IQSEC3: variants seen among roughly 807,000 people sequenced by gnomAD.
IQSEC3 encodes the protein IQ motif and Sec7 domain ArfGEF 3.
A neutral mutation model predicts 105.4 loss-of-function variants in IQSEC3; 50 were observed. The ratio of observed to expected loss-of-function variants is 0.47; its 90% CI spans 0.38 to 0.60. The LOEUF (loss-of-function observed/expected upper bound fraction) is 0.60. Ranked by LOEUF, IQSEC3 falls within the 20% of genes least tolerant of loss-of-function variation. IQSEC3 has a pLI of 0.00. For missense variants in IQSEC3, 1,415 were observed against 1,630.0 expected (o/e 0.87, Z 2.27); for synonymous variants, 708 against 746.0 (o/e 0.95, Z 0.83).
intron 2 of IQSEC3, among the ~76,000 whole-genome samples, chr12:117,372 T>G (rs1555080871): frequency 6.6e-6 from 1 of 152,212 alleles, no homozygotes; most frequent in Non-Finnish European, 1.5e-5. Context: ...TATGACAATG[T>G]AAAATGCTCA....
chr12:125,155 T>TAA (rs1201784307), intron 2 of IQSEC3, among the ~76,000 whole-genome samples: 2 of 152,164 alleles, frequency 1.3e-5, no homozygotes, highest in Non-Finnish European at 2.9e-5. Context: ...CACCGATACT[T>TAA]ACAATAGGTA....
chr12:131,558 T>C (rs1865601633), intron 3 of IQSEC3, among the ~76,000 whole-genome samples: 1 of 152,172 alleles, frequency 6.6e-6, no homozygotes, highest in Non-Finnish European at 1.5e-5. Context: ...GAGTCTGGAA[T>C]TTGATTTCCC....
intron 2 of IQSEC3, among the ~76,000 whole-genome samples, chr12:101,587 C>A (rs1555076207): frequency 6.6e-6 from 1 of 152,126 alleles, no homozygotes; most frequent in African/African-American, 2.4e-5. Flanking sequence ...TGGCTGGGGA[C>A]AGGGAGGACT....
intron 2 of IQSEC3, among the ~76,000 whole-genome samples, chr12:108,589 T>C (rs1362293909): frequency 2.0e-5 from 3 of 152,260 alleles, no homozygotes; most frequent in African/African-American, 7.2e-5. Context: ...TAAACAGTTA[T>C]GGTCTGATAC....
intron 1 of IQSEC3, among the ~76,000 whole-genome samples, chr12:87,358 G>A (rs2136896651): frequency 6.6e-6 from 1 of 152,278 alleles, no homozygotes; most frequent in Admixed American, 6.5e-5. Flanking sequence ...AACCAGGGCA[G>A]AACACTTCTC....
chr12:154,852 T>C (rs1866632813), intron 5 of IQSEC3, among the ~76,000 whole-genome samples: 2 of 152,054 alleles, frequency 1.3e-5, no homozygotes, highest in Admixed American at 6.5e-5. Context: ...TGCCTTTTCC[T>C]CCTTGCCTGT....
At position 172,403 on chromosome 12, in the gene IQSEC3, C is replaced by G. The variant is rs184110056; in HGVS notation, c.3114+1242C>G. 4.7e-4 allele frequency among the ~76,000 whole-genome samples: 72 copies of G among 152,304 alleles called. No homozygotes were observed. In the East Asian group the frequency reaches 9.5e-3, roughly 20 times the overall value. On this transcript the variant is annotated intron_variant, in intron 13 of 13. Transcript: ENST00000538872. ...GATAAGCACACCCGTGCCCAGCCCT[C>G]TGTTCTGTTCTGCCAGCCCTGCCCT...
At chr12:67,881 G>C (rs1302869949) in intron 1 of IQSEC3, among the ~76,000 whole-genome samples, 7 of 152,226 alleles carry the variant, frequency 4.6e-5, no homozygotes, top group African/African-American at 1.4e-4. Flanking sequence ...AAAGCTGAAG[G>C]CTTGGAAAGA....
rs115780744 is a variant in IQSEC3 at position 157,211 on chromosome 12, A to C, written c.2276+64A>C. On this transcript the variant is annotated intron_variant, in intron 6 of 13. Transcript: ENST00000538872. ...AGCGTGGGGAAGCCGGGCCGCTGTGAGCCTGGGAGACAGGAGATGCTATCA... is the reference window on the plus strand; with the variant it reads ...AGCGTGGGGAAGCCGGGCCGCTGTGCGCCTGGGAGACAGGAGATGCTATCA... 1.3e-3 allele frequency: 1,834 copies of C among 1,460,822 alleles called. 16 individuals carry two copies. In the African/African-American group the frequency reaches 0.023, roughly 18 times the overall value. 90.5% of individuals were successfully genotyped at this position (1,460,822 alleles called of 1,614,324 possible).
chr12:74,742 T>C (rs2650212), intron 1 of IQSEC3, among the ~76,000 whole-genome samples: 386 of 152,264 alleles, frequency 2.5e-3, no homozygotes, highest in African/African-American at 8.2e-3. Flanking sequence ...CCTAGCCCCA[T>C]TGGGGAGTTA....
Position 139,307 on chromosome 12 carries a change from C to T in IQSEC3, c.1944C>T (p.Asp648=), listed in dbSNP as rs894279869. The T allele has an allele frequency of 7.5e-6, 12 of 1,600,296 alleles. No individual in the cohort carries two copies. The highest frequency in any genetic ancestry group is 1.0e-5 in the Non-Finnish European group (12 of 1,174,234). ...GCAAGTCGCCCACGCTCTCCACCGA[C>T]ACCCTGCGCAAGCGGCTCTACCGCA... is the stretch of plus-strand genomic sequence containing the variant. ...ASCKSPTLST[D]TLRKRLYRIG... is the part of the protein sequence containing the mutation. The change falls in exon 4 of 14, where the codon GAC becomes GAT. Residue 648 remains aspartate, a synonymous_variant. Coordinates refer to ENST00000538872, the MANE Select transcript of IQSEC3 (RefSeq NM_001170738.2).
intron 1 of IQSEC3, among the ~76,000 whole-genome samples, chr12:78,361 G>T (rs1478515115): frequency 6.6e-6 from 1 of 151,984 alleles, no homozygotes; most frequent in African/African-American, 2.4e-5. Flanking sequence ...CTAGTGTGAT[G>T]GTGCGAGTAG....
rs1866356507 is a variant in IQSEC3, at chr12:148,176, C to T, written c.2153+6891C>T. 3 of 152,240 alleles carry T rather than the reference C, an allele frequency of 2.0e-5. No individual in the cohort carries two copies. In the South Asian group the frequency reaches 6.2e-4, roughly 32 times the overall value. 9.4% of individuals were successfully genotyped at this position (152,240 alleles called of 1,614,324 possible). A position where few individuals can be genotyped will look rare whatever the true frequency, so the allele number is the denominator to read the frequency against. ...CTCCACGGCCTTTTCTTAATCCACC[C>T]ACTGTTATTGGCATAGAGCAGTGCT... On this transcript the variant is annotated intron_variant, in intron 5 of 13. Transcript: ENST00000538872.
At chr12:107,067 G>A (rs996499589) in intron 2 of IQSEC3, among the ~76,000 whole-genome samples, 1 of 152,138 alleles carries the variant, frequency 6.6e-6, no homozygotes, top group South Asian at 2.1e-4. Context: ...AAACAAAACA[G>A]GAAGGACAGC....
chr12:174,408 C>T (rs1275677556), intron 13 of IQSEC3, among the ~76,000 whole-genome samples, 191 bp from the exon 14 acceptor site: 1 of 152,096 alleles, frequency 6.6e-6, no homozygotes, highest in African/African-American at 2.4e-5. Context: ...GCCAGCCTCT[C>T]GACTCCTCTC....
chr12:160,725 C>A lies in IQSEC3; in HGVS notation c.2444-1201C>A, dbSNP rs189977487. ...CCTTCGCTTTTAGGGGCTGCTGTTA[C>A]CACCAGCTCTAAGCCCTTTGGTGGC... On this transcript the variant is annotated intron_variant, in intron 7 of 13. Coordinates refer to ENST00000538872, the MANE Select transcript of IQSEC3 (RefSeq NM_001170738.2). Among the ~76,000 whole-genome samples, 581 of 152,288 alleles carry A rather than the reference C, an allele frequency of 3.8e-3. 1 individual carries two copies. Among genetic ancestry groups the A allele is most frequent in the African/African-American group, 0.014 (565 of 41,542 alleles).
At chr12:71,592 A>G (rs1555067562) in intron 1 of IQSEC3, among the ~76,000 whole-genome samples, 1 of 152,296 alleles carries the variant, frequency 6.6e-6, no homozygotes, top group African/African-American at 2.4e-5. Flanking sequence ...GAAAGGGAAC[A>G]GAAAGCAGAA....
chr12:125,702 C>T lies in IQSEC3; in HGVS notation c.693C>T (p.Ala231=), dbSNP rs781796622. The T allele has an allele frequency of 7.2e-5, 110 of 1,534,732 alleles. No individual in the cohort carries two copies. The highest frequency in any genetic ancestry group is 3.4e-4 in the Middle Eastern group (2 of 5,818). ...TGGTGGCAGCGGCGGCGGTGGCAGC[C>T]GGCAGACCCAGTGCCCATGCCCCGA... ...DSVVAAAAVA[A]GRPSAHAPKA... The change falls in exon 3 of 14, where the codon GCC becomes GCT. Residue 231 remains alanine (A), a synonymous_variant. Coordinates refer to ENST00000538872, the MANE Select transcript of IQSEC3 (RefSeq NM_001170738.2).
rs989005171 is a variant in IQSEC3, at chr12:176,449, C to T, written c.*1416C>T. 1 of 152,252 alleles carries T rather than the reference C, an allele frequency of 6.6e-6. No individual in the cohort carries two copies. Among genetic ancestry groups the T allele is most frequent in the African/African-American group, 2.4e-5 (1 of 41,426 alleles). 9.4% of individuals were successfully genotyped at this position (152,252 alleles called of 1,614,324 possible). ...GCTCACTGCTGTCCTATGTGCAGGT[C>T]CCCCAACACTTGGAGCCTGTGGTTA... On this transcript the variant is annotated 3_prime_UTR_variant, in exon 14 of 14. Transcript: ENST00000538872. This position sits in a 1 kb window ranked among gnomAD's most constrained non-coding sequence, Gnocchi z 4.0.
Sources: allele counts gnomAD v4.1 joint callset (sites outside exome capture counted in the v4.1 genomes callset), GRCh38; gene constraint gnomAD v4.1.1; non-coding constraint Gnocchi (gnomAD v3.1); transcripts MANE v1.5; gene names NCBI Gene and HGNC (gene_info 2026-07-23, HGNC 2026-07-21).